Variants in ZPBP observed in about 807,000 individuals in gnomAD.
ZPBP encodes the protein zona pellucida binding protein, also known as zona pellucida-binding protein 1.
A neutral mutation model predicts 44.8 loss-of-function variants in ZPBP; 26 were observed. The observed-to-expected ratio is 0.58, with a 90% confidence interval of 0.43 to 0.81. The LOEUF is 0.81. ZPBP is among the 30% of genes least tolerant of loss of function. ZPBP has a pLI of 0.00. For missense variants in ZPBP, 409 were observed against 434.0 expected (o/e 0.94, Z 0.51); for synonymous variants, 174 against 153.2 (o/e 1.14, Z -1.00).
At chr7:49,861,156 C>CA (rs1414670758) in intron 2 of ZPBP, among the ~76,000 whole-genome samples, 1 of 152,178 alleles carries the variant, frequency 6.6e-6, no homozygotes, top group African/African-American at 2.4e-5. Flanking sequence ...ACATCCTCAC[C>CA]AACAGTTGTT....
At chr7:49,878,194 C>G (rs926399873) in intron 2 of ZPBP, among the ~76,000 whole-genome samples, 4 of 152,148 alleles carry the variant, frequency 2.6e-5, no homozygotes, top group Non-Finnish European at 5.9e-5. Flanking sequence ...CCCTCTCACA[C>G]TCCTTCTCTT....
intron 7 of ZPBP, among the ~76,000 whole-genome samples, chr7:49,973,141 GTC>G (rs1796366754): frequency 6.6e-6 from 1 of 151,846 alleles, no homozygotes; most frequent in Admixed American, 6.6e-5. Context: ...CTGGGGGAAA[GTC>G]TGATGACACT....
chr7:50,093,146 G>C lies in ZPBP; in HGVS notation c.49C>G (p.Arg17Gly). Residue 17 changes from arginine (R) to glycine (G), a missense_variant, in exon 1 of 8, where the codon CGG becomes GGG. Transcript: ENST00000046087. ...CGAGAGAGCAGGGAGCCGGCGGCCC[G>C]GGTCCGCCGCCTGCCCCGCCGCGCT... ...GPARRGRRRT[R>G]AAGSLLSRAA... The C allele has an allele frequency of 6.5e-7, 1 of 1,545,424 alleles. No individual in the cohort carries two copies. Among genetic ancestry groups the C allele is most frequent in the African/African-American group, 1.4e-5 (1 of 72,038 alleles).
intron 4 of ZPBP, among the ~76,000 whole-genome samples, chr7:50,042,054 C>T (rs563565772): frequency 6.8e-4 from 104 of 151,918 alleles, no homozygotes; most frequent in Middle Eastern, 6.8e-3. Flanking sequence ...CCAAATCAAT[C>T]AAGCAAAGAA....
At chr7:49,993,295 T>C (rs1251127590) in intron 6 of ZPBP, among the ~76,000 whole-genome samples, 1 of 152,050 alleles carries the variant, frequency 6.6e-6, no homozygotes, top group Non-Finnish European at 1.5e-5. Flanking sequence ...AAGGTAGAGC[T>C]ATGAAAAGGA....
chr7:49,995,067 T>G (rs1243470536), intron 6 of ZPBP, among the ~76,000 whole-genome samples: 1 of 152,190 alleles, frequency 6.6e-6, no homozygotes, highest in Non-Finnish European at 1.5e-5. Flanking sequence ...GAAATTTCAC[T>G]GAGGCAGAAG....
At chr7:50,076,993 A>G (rs566224085) in intron 3 of ZPBP, among the ~76,000 whole-genome samples, 3 of 144,826 alleles carry the variant, frequency 2.1e-5, no homozygotes, top group African/African-American at 7.4e-5. Flanking sequence ...ATCTGACTTC[A>G]AATTATACTA....
chr7:50,059,430 G>A (rs948894001), intron 3 of ZPBP, among the ~76,000 whole-genome samples: 2 of 152,142 alleles, frequency 1.3e-5, no homozygotes, highest in Non-Finnish European at 2.9e-5. Context: ...TATCCTGGAT[G>A]AAGCTGAAAA....
At chr7:49,936,959 A>G (rs899436591), downstream of ZPBP, among the ~76,000 whole-genome samples, 6 of 152,212 alleles carry the variant, frequency 3.9e-5, no homozygotes, top group African/African-American at 1.4e-4. Flanking sequence ...AAGGTAATTT[A>G]AGAGACTTAA....
chr7:49,876,603 C>T (rs192961348), intron 2 of ZPBP, among the ~76,000 whole-genome samples: 15 of 152,222 alleles, frequency 9.9e-5, no homozygotes, highest in East Asian at 5.8e-4. Flanking sequence ...TGAGCATTAA[C>T]GAAGAGCAGC....
intron 7 of ZPBP, among the ~76,000 whole-genome samples, chr7:49,975,951 G>A (rs2128773167): frequency 6.6e-6 from 1 of 152,094 alleles, no homozygotes; most frequent in East Asian, 1.9e-4. Flanking sequence ...TGGAGTTTTG[G>A]GGTAACATTT....
intron 4 of ZPBP, among the ~76,000 whole-genome samples, chr7:50,051,781 G>A (rs1459074065): frequency 1.3e-4 from 20 of 151,988 alleles, no homozygotes; most frequent in Admixed American, 1.3e-3. Flanking sequence ...AACACAGGGA[G>A]GGGAACAACA....
chr7:50,073,136 G>C (rs1179771212), intron 3 of ZPBP, among the ~76,000 whole-genome samples: 1 of 152,076 alleles, frequency 6.6e-6, no homozygotes, highest in East Asian at 1.9e-4. Context: ...AAATAGCTAT[G>C]TTGAAGAAAC....
chr7:49,989,938 T>C (rs1203124893), intron 6 of ZPBP, among the ~76,000 whole-genome samples: 1 of 152,180 alleles, frequency 6.6e-6, no homozygotes, highest in Non-Finnish European at 1.5e-5. Flanking sequence ...GCCAGTTTTC[T>C]TGGCATGTCA....
At chr7:49,957,186 A>G (rs1795639872) in intron 7 of ZPBP, among the ~76,000 whole-genome samples, 1 of 152,226 alleles carries the variant, frequency 6.6e-6, no homozygotes, top group South Asian at 2.1e-4. Context: ...TTGATCCTGG[A>G]CTTTCCATGC....
At chr7:50,046,451 G>GA (rs140818813) in intron 4 of ZPBP, among the ~76,000 whole-genome samples, 32,218 of 145,740 alleles carry the variant, frequency 0.22, 4,261 homozygotes, top group African/African-American at 0.39. Flanking sequence ...AAATTTACAA[G>GA]AAAAAAAAAA....
At chr7:49,872,795 A>T (rs1791221170) in intron 2 of ZPBP, among the ~76,000 whole-genome samples, 1 of 150,568 alleles carries the variant, frequency 6.6e-6, no homozygotes, top group Admixed American at 6.6e-5. Context: ...ACACACCTGT[A>T]ATCCCAGCAA....
intron 1 of ZPBP, chr7:49,920,532 A>G (rs1034033410): frequency 6.6e-6 from 1 of 152,240 alleles, no homozygotes. Flanking sequence ...GTCAGACTTA[A>G]GTCCACGGAA....
intron 7 of ZPBP, among the ~76,000 whole-genome samples, chr7:49,980,089 T>A (rs1374050755): frequency 3.1e-5 from 3 of 96,912 alleles, no homozygotes; most frequent in Non-Finnish European, 5.5e-5. Context: ...TAATATAATT[T>A]TATATTATAT....
Sources: allele counts gnomAD v4.1 joint callset (sites outside exome capture counted in the v4.1 genomes callset), GRCh38; gene constraint gnomAD v4.1.1; transcripts MANE v1.5; gene names NCBI Gene and HGNC (gene_info 2026-07-23, HGNC 2026-07-21).